The following ARFGEF1 variants were observed in gnomAD, a reference collection of about 807,000 sequenced individuals.
ARFGEF1 encodes brefeldin A-inhibited guanine nucleotide-exchange protein 1.
Under a neutral mutation model 231.0 loss-of-function variants are expected in ARFGEF1, and 42 were observed. The ratio of observed to expected loss-of-function variants is 0.18; its 90% CI spans 0.14 to 0.24. The LOEUF is 0.24. ARFGEF1 is among the 10% of genes least tolerant of loss of function. The probability of loss-of-function intolerance (pLI) is 1.00; values close to 1 mark genes in which losing one functional copy is unlikely to be tolerated. For synonymous variants in ARFGEF1, 710 were observed against 732.3 expected, an observed-to-expected ratio of 0.97 and a Z score of 0.49; for missense variants, 1,345 against 2,192.0, an observed-to-expected ratio of 0.61 and a Z score of 7.72.
downstream of ARFGEF1, among the ~76,000 whole-genome samples, chr8:67,197,042 C>T (rs899812867): frequency 6.6e-6 from 1 of 152,120 alleles, no homozygotes; most frequent in Non-Finnish European, 1.5e-5. Context: ...ACAACTTCAA[C>T]TGACTCCTCG....
rs1438619127 is a variant in ARFGEF1, at chr8:67,204,752, C to T, written c.4887G>A (p.Gln1629=). ...GGAAGAAGACAATGTTGTCGATAGTCTGGATGAGTTCCAGCTGCACAACAC... is the reference window on the plus strand; with the variant it reads ...GGAAGAAGACAATGTTGTCGATAGTTTGGATGAGTTCCAGCTGCACAACAC... The part of the protein sequence containing the change: ...IKCVVQLELI[Q]TIDNIVFFPA... The change falls in exon 35 of 39, where the codon CAG becomes CAA. Residue 1629 remains glutamine, a synonymous_variant. Transcript: ENST00000262215. The T allele has an allele frequency of 6.2e-7, 1 of 1,613,882 alleles. No homozygotes were observed. The highest frequency in any genetic ancestry group is 1.3e-5 in the African/African-American group (1 of 74,914).
chr8:67,260,187 T>C (rs1051693675), intron 14 of ARFGEF1, among the ~76,000 whole-genome samples: 9 of 152,212 alleles, frequency 5.9e-5, no homozygotes, highest in African/African-American at 1.7e-4. Context: ...CAGTATGAAG[T>C]ATTTTTTTAT....
intron 1 of ARFGEF1, among the ~76,000 whole-genome samples, chr8:67,337,374 T>A (rs1808398770): frequency 1.3e-5 from 2 of 152,294 alleles, no homozygotes; most frequent in Middle Eastern, 3.4e-3. Context: ...GCTACAAGAC[T>A]GGATGCCATC....
intron 1 of ARFGEF1, among the ~76,000 whole-genome samples, chr8:67,342,775 A>T (rs921078742): frequency 6.6e-6 from 1 of 152,158 alleles, no homozygotes; most frequent in Non-Finnish European, 1.5e-5. Flanking sequence ...CAATCTTGAC[A>T]TACCAGCCCC....
chr8:67,277,129 T>C (rs1219532253), intron 8 of ARFGEF1, among the ~76,000 whole-genome samples, 153 bp downstream of exon 8: 1 of 151,808 alleles, frequency 6.6e-6, no homozygotes, highest in African/African-American at 2.4e-5. Context: ...TTTATATAAA[T>C]GAAGGAAAAA....
At chr8:67,291,450 A>C (rs2128909371) in intron 6 of ARFGEF1, among the ~76,000 whole-genome samples, 2 of 150,606 alleles carry the variant, frequency 1.3e-5, no homozygotes, top group South Asian at 4.2e-4. Flanking sequence ...CATATTTTTA[A>C]AACTGGTAAT....
intron 38 of ARFGEF1, chr8:67,199,821 A>T (rs1298623860): frequency 6.1e-6 from 1 of 165,056 alleles, no homozygotes; most frequent in Non-Finnish European, 1.3e-5. Flanking sequence ...GTAAGTTGCT[A>T]TTTTTTTTTC....
At chr8:67,215,144 C>T (rs1376979416) in intron 33 of ARFGEF1, among the ~76,000 whole-genome samples, 1 of 152,142 alleles carries the variant, frequency 6.6e-6, no homozygotes, top group Non-Finnish European at 1.5e-5. Context: ...TCTAGGTTCA[C>T]AGGTCCACAG....
At chr8:67,189,272 C>T (rs1049123355) in intron 5 of ARFGEF1, among the ~76,000 whole-genome samples, 7 of 152,110 alleles carry the variant, frequency 4.6e-5, no homozygotes, top group African/African-American at 1.4e-4. Flanking sequence ...TTGGTATTTG[C>T]CTAAGGGAGC....
Position 67,343,151 on chromosome 8 carries a change from C to T in ARFGEF1, c.124+13G>A. ...AACAAGCACCCCATCCCCCGGGCCT[C>T]CTCCCCGCTCACCTAACGCCACCTC... On this transcript the variant is annotated intron_variant, in intron 1 of 38. Transcript: ENST00000262215. 1.3e-6 allele frequency: 2 copies of T among 1,595,708 alleles called. No homozygotes were observed. The highest frequency in any genetic ancestry group is 1.7e-4 in the Middle Eastern group (1 of 5,984).
intron 1 of ARFGEF1, among the ~76,000 whole-genome samples, chr8:67,335,751 CTT>C (rs757768200): frequency 3.5e-5 from 5 of 144,906 alleles, no homozygotes; most frequent in African/African-American, 5.0e-5. Context: ...TAAAGATTTT[CTT>C]TTTTTTTTTT....
intron 7 of ARFGEF1, among the ~76,000 whole-genome samples, chr8:67,283,566 A>G (rs949281582): frequency 3.3e-5 from 5 of 152,154 alleles, no homozygotes; most frequent in African/African-American, 1.2e-4. Flanking sequence ...AATAAGATCA[A>G]AAGACTTGGG....
At chr8:67,205,682 C>T (rs767278355) in intron 34 of ARFGEF1, among the ~76,000 whole-genome samples, 4 of 151,768 alleles carry the variant, frequency 2.6e-5, no homozygotes, top group Non-Finnish European at 5.9e-5. Context: ...CATGATGAAA[C>T]CCCATCTTTA....
intron 30 of ARFGEF1, 69 bp from the exon 31 acceptor site, chr8:67,218,207 A>ATATAGATATATAT (rs1554636014): frequency 1.1e-5 from 1 of 90,852 alleles, no homozygotes; most frequent in Admixed American, 1.4e-4. Flanking sequence ...AAAAAAAAAA[A>ATATAGATATATAT]ATATATATAT....
chr8:67,198,256 A>C lies in ARFGEF1; in HGVS notation c.*678T>G, dbSNP rs1019291340. ...AAGGGCAAAACTAAAAATCCCTATAAAATAAAAAAGAAAGTTCCACCCAAA... is the reference window on the plus strand; with the variant it reads ...AAGGGCAAAACTAAAAATCCCTATACAATAAAAAAGAAAGTTCCACCCAAA... On this transcript the variant is annotated 3_prime_UTR_variant, in exon 39 of 39. Coordinates refer to ENST00000262215, the MANE Select transcript of ARFGEF1 (RefSeq NM_006421.5). 1.5e-5 allele frequency: 15 copies of C among 985,754 alleles called. 1 individual carries two copies. The highest frequency in any genetic ancestry group is 2.3e-4 in the East Asian group (2 of 8,834). 61.1% of individuals were successfully genotyped at this position (985,754 alleles called of 1,614,324 possible).
In ARFGEF1 at chr8:67,267,348, C is replaced by G; in HGVS notation, c.1667G>C (p.Cys556Ser). The stretch of plus-strand genomic sequence containing the variant: ...AAAAGGATAATTTAAAATACCTGCA[C>G]AAATCCTCGTCAGTGTCTGAATAAC... ...WMVIQTLTRICADAQSVVDIY... is the reference protein window; with the variant it reads ...WMVIQTLTRISADAQSVVDIY... The change falls in exon 11 of 39, where the codon TGT becomes TCT. Residue 556 changes from cysteine to serine, a missense_variant. Physicochemically the swap from Cys to Ser is moderately radical, Grantham distance 112 (BLOSUM62 -1). Transcript: ENST00000262215. The G allele has an allele frequency of 6.2e-7, 1 of 1,607,886 alleles. No homozygotes were observed. Among genetic ancestry groups the G allele is most frequent in the Non-Finnish European group, 8.5e-7 (1 of 1,177,886 alleles).
At chr8:67,306,199 C>A (rs925585132) in intron 1 of ARFGEF1, among the ~76,000 whole-genome samples, 6 of 152,146 alleles carry the variant, frequency 3.9e-5, no homozygotes, top group African/African-American at 1.4e-4. Flanking sequence ...CACAAGCATG[C>A]CCTACTACAA....
chr8:67,285,336 CAAGACCCCATCTCTACA>C (rs1259424024), intron 7 of ARFGEF1, among the ~76,000 whole-genome samples: 1 of 151,842 alleles, frequency 6.6e-6, no homozygotes, highest in Non-Finnish European at 1.5e-5. Flanking sequence ...ACAACACAAG[CAAGACCCCATCTCTACA>C]AAAAAATACA....
intron 38 of ARFGEF1, 41 bp downstream of exon 38, chr8:67,200,355 G>T: frequency 7.1e-7 from 1 of 1,406,748 alleles, no homozygotes; most frequent in Non-Finnish European, 1.0e-6. Context: ...AATGCGAATT[G>T]GGCTAGAAAT....
Sources: gnomAD v4.1 joint callset for allele counts (sites outside exome capture counted in the v4.1 genomes callset) on GRCh38, gnomAD v4.1.1 for gene constraint, MANE v1.5 for transcripts, NCBI Gene and HGNC (gene_info 2026-07-23, HGNC 2026-07-21) for gene names.